Variants in SET observed in about 807,000 individuals in gnomAD.
SET encodes protein SET.
In SET, 4 loss-of-function variants were observed where a neutral mutation model predicts 39.0. The observed-to-expected ratio is 0.10, with a 90% CI of 0.05 to 0.23. The LOEUF is 0.23. SET is among the 10% of genes least tolerant of loss of function. SET has a pLI of 1.00. For missense variants in SET, 137 were observed against 329.7 expected, an observed-to-expected ratio of 0.42 and a Z score of 4.53; for synonymous variants, 114 against 115.9, an observed-to-expected ratio of 0.98 and a Z score of 0.11.
At chr9:128,683,830 A>T (rs1004908283) in exon 1 of SET, 1 of 1,360,030 alleles carries the variant, frequency 7.4e-7, no homozygotes, top group Non-Finnish European at 1.0e-6. Flanking sequence ...GGGCAGTCTC[A>T]GTGTTCAGCC....
rs1406514103 is a variant in SET, at chr9:128,691,861, T to G, written c.135T>G (p.Leu45=). Residue 45 remains leucine, a synonymous_variant, in exon 3 of 8, where the codon CTT becomes CTG. Coordinates refer to ENST00000322030, the MANE Select transcript of SET (RefSeq NM_003011.4). ...CATCTCTTTTCATTTGCTTCAGACT[T>G]AATGAACAAGCCAGTGAGGAGATTT... The part of the protein sequence containing the change: ...IDEVQNEIDR[L]NEQASEEILK... 1.9e-6 allele frequency: 3 copies of G among 1,611,276 alleles called. No individual in the cohort carries two copies. The South Asian group carries it at 3.3e-5, about 18-fold the overall frequency.
At chr9:128,692,531 C>A in intron 3 of SET, 131 bp from the exon 4 acceptor site, 1 of 629,650 alleles carries the variant, frequency 1.6e-6, no homozygotes, top group South Asian at 1.9e-5. Flanking sequence ...TGAGCAATTG[C>A]CTTTAGTTAA....
At chr9:128,686,563 G>C (rs1861291135), upstream of SET, among the ~76,000 whole-genome samples, 1 of 152,172 alleles carries the variant, frequency 6.6e-6, no homozygotes, top group Non-Finnish European at 1.5e-5. Flanking sequence ...ATTTGGTGGG[G>C]TGTGACCTGC....
chr9:128,683,651 A>G, upstream of SET: 1 of 431,440 alleles, frequency 2.3e-6, no homozygotes, highest in Non-Finnish European at 4.2e-6. Flanking sequence ...CCCCAAAGCC[A>G]AGAGTGCCCC....
In SET at chr9:128,689,498, G is replaced by C. The variant is rs1288387011; in HGVS notation, c.-85G>C. On this transcript the variant is annotated 5_prime_UTR_variant, in exon 1 of 8. Transcript: ENST00000322030. ...GGACCGAGCGGGCGCCCGCGCGTGT[G>C]GCGTGAGGGGAAGCCGCTTGCCCGC... 2 of 686,618 alleles carry C rather than the reference G, an allele frequency of 2.9e-6. No individual in the cohort carries two copies. The highest frequency in any genetic ancestry group is 4.1e-5 in the East Asian group (1 of 24,434). 42.5% of individuals were successfully genotyped at this position (686,618 alleles called of 1,614,324 possible). A position where few individuals can be genotyped will look rare whatever the true frequency, so the allele number is the denominator to read the frequency against.
upstream of SET, among the ~76,000 whole-genome samples, chr9:128,684,233 G>T (rs1589448837): frequency 1.3e-5 from 2 of 152,124 alleles, no homozygotes; most frequent in East Asian, 3.9e-4. Context: ...ACTGACCCCT[G>T]AGCTTGTCTC....
At chr9:128,692,630 A>T in intron 3 of SET, 32 bp from the exon 4 acceptor site, 1 of 1,443,432 alleles carries the variant, frequency 6.9e-7, no homozygotes, top group Non-Finnish European at 9.7e-7. Flanking sequence ...TGCCTGTTGA[A>T]AATTCAGCTG....
upstream of SET, among the ~76,000 whole-genome samples, chr9:128,689,046 G>A (rs1219420664): frequency 1.3e-5 from 2 of 150,428 alleles, no homozygotes; most frequent in Non-Finnish European, 3.0e-5. Flanking sequence ...GCGGCGCGGG[G>A]GGCGGCCGTG....
At chr9:128,685,213 G>T, upstream of SET, 1 of 1,599,734 alleles carries the variant, frequency 6.3e-7, no homozygotes, top group South Asian at 1.1e-5. Flanking sequence ...TACCTTGCTG[G>T]GTGAGCCACA....
chr9:128,689,636 C>A lies in SET; in HGVS notation c.54C>A (p.Asp18Glu). 7.5e-7 allele frequency: 1 copy of A among 1,326,950 alleles called. No homozygotes were observed. Among genetic ancestry groups the A allele is most frequent in the Non-Finnish European group, 9.9e-7 (1 of 1,013,078 alleles). The allele number at this position is 1,326,950 out of a possible 1,614,324, so 82.2% of individuals were successfully genotyped here. The change falls in exon 1 of 8, where the codon GAC becomes GAA. Residue 18 changes from aspartate (D) to glutamate (E), a missense_variant. Coordinates refer to ENST00000322030, the MANE Select transcript of SET (RefSeq NM_003011.4). ...AAAAGGAGCTCAACTCCAACCACGA[C>A]GGGGCCGACGAGACCTCAGGTGAGA... ...VSKKELNSNH[D>E]GADETSEKEQ...
exon 1 of SET, chr9:128,683,881 G>A (rs1414331392): frequency 2.6e-6 from 4 of 1,545,748 alleles, no homozygotes; most frequent in East Asian, 2.4e-5. Flanking sequence ...CTGGTTCTGG[G>A]ACTTCCCTAA....
At chr9:128,692,805 A>G (rs1430999408) in intron 4 of SET, 40 bp downstream of exon 4, 4 of 1,530,166 alleles carry the variant, frequency 2.6e-6, no homozygotes, top group African/African-American at 2.7e-5. Context: ...CACTGTGGAA[A>G]TTAATGTGAG....
In SET at chr9:128,689,284, G is replaced by T. The variant is rs984754769; in HGVS notation, c.-299G>T. The T allele has an allele frequency of 4.4e-5, 45 of 1,015,374 alleles. No individual in the cohort carries two copies. Among genetic ancestry groups the T allele is most frequent in the Non-Finnish European group, 5.2e-5 (44 of 848,878 alleles). 62.9% of individuals were successfully genotyped at this position (1,015,374 alleles called of 1,614,324 possible). On this transcript the variant is annotated 5_prime_UTR_variant, in exon 1 of 8. Transcript: ENST00000322030. ...GGGAGAGCGAGCAGCGAGCTGGCTGGATCGCCGAGCGCGAGTGAGGGAGCC... is the reference window on the plus strand; with the variant it reads ...GGGAGAGCGAGCAGCGAGCTGGCTGTATCGCCGAGCGCGAGTGAGGGAGCC...
At chr9:128,694,501 G>GAA (rs1861659161) in intron 7 of SET, 140 bp from the exon 8 acceptor site, 1 of 552,288 alleles carries the variant, frequency 1.8e-6, no homozygotes. Context: ...ACATCATCAC[G>GAA]GGTGTTTCCT....
At chr9:128,691,305 C>T (rs1861526979) in intron 2 of SET, 78 bp downstream of exon 2, 1 of 870,420 alleles carries the variant, frequency 1.1e-6, no homozygotes, top group Admixed American at 2.2e-5. Flanking sequence ...AAGCTATGGT[C>T]AAATCTATCC....
upstream of SET, among the ~76,000 whole-genome samples, chr9:128,687,691 T>C (rs1431901169): frequency 6.6e-6 from 1 of 151,000 alleles, no homozygotes; most frequent in African/African-American, 2.4e-5. Flanking sequence ...CCCCAAGTTC[T>C]GGTTAAAAAT....
chr9:128,685,838 C>G (rs1303844878), upstream of SET, among the ~76,000 whole-genome samples: 1 of 152,160 alleles, frequency 6.6e-6, no homozygotes, highest in South Asian at 2.1e-4. Context: ...TCAAGACCAG[C>G]CTGGCCAACA....
At chr9:128,691,103 T>C (rs752692387) in intron 1 of SET, 67 bp from the exon 2 acceptor site, 9 of 1,209,136 alleles carry the variant, frequency 7.4e-6, no homozygotes, top group Admixed American at 1.8e-5. Context: ...TGGAATATTA[T>C]AGTATTAACA....
In SET at chr9:128,692,013, C is replaced by T; in HGVS notation, c.274+13C>T. 1.9e-6 allele frequency: 3 copies of T among 1,613,184 alleles called. No homozygotes were observed. The South Asian group carries it at 3.3e-5, about 18-fold the overall frequency. On this transcript the variant is annotated intron_variant, in intron 3 of 7. Transcript: ENST00000322030. The stretch of plus-strand genomic sequence containing the variant: ...AACCATCCACAAGGTATGTTTTGGA[C>T]AGGGCATTGTTAAAGGATAAACAGT...
Sources: allele counts gnomAD v4.1 joint callset (sites outside exome capture counted in the v4.1 genomes callset), GRCh38; gene constraint gnomAD v4.1.1; transcripts MANE v1.5; gene names NCBI Gene and HGNC (gene_info 2026-07-23, HGNC 2026-07-21).